CDH11: variants seen among roughly 807,000 people sequenced by gnomAD.
The protein encoded by CDH11 is cadherin-11.
A neutral mutation model predicts 67.8 loss-of-function variants in CDH11; 11 were observed. The ratio of observed to expected loss-of-function variants is 0.16; its 90% confidence interval spans 0.10 to 0.27. CDH11 has a LOEUF of 0.27. Among genes scored for constraint, CDH11 ranks in the 10% least tolerant of loss-of-function variants. The pLI, the probability that CDH11 is intolerant of heterozygous loss-of-function variation, is 1.00. For synonymous variants in CDH11, 419 were observed against 400.0 expected, an observed-to-expected ratio of 1.05 and a Z score of -0.57; for missense variants, 847 against 1,031.2, an observed-to-expected ratio of 0.82 and a Z score of 2.45.
At chr16:65,085,371 A>G (rs2074678888) in intron 1 of CDH11, among the ~76,000 whole-genome samples, 1 of 152,178 alleles carries the variant, frequency 6.6e-6, no homozygotes, top group Non-Finnish European at 1.5e-5. Context: ...AGTCATCTCC[A>G]CAAGCTTGAG....
At chr16:65,019,891 T>C (rs1361043105) in intron 2 of CDH11, among the ~76,000 whole-genome samples, 12 of 151,064 alleles carry the variant, frequency 7.9e-5, no homozygotes, top group African/African-American at 2.9e-4. Flanking sequence ...CCCTCTAAAC[T>C]AGGCCAAAAA....
At chr16:65,080,161 G>A (rs987893385) in intron 1 of CDH11, among the ~76,000 whole-genome samples, 2 of 151,792 alleles carry the variant, frequency 1.3e-5, no homozygotes, top group Non-Finnish European at 2.9e-5. Context: ...AGAAGTCTCT[G>A]GGAGCTCTGC....
chr16:64,966,409 A>G (rs1311104390), intron 11 of CDH11, among the ~76,000 whole-genome samples: 1 of 149,494 alleles, frequency 6.7e-6, no homozygotes, highest in Non-Finnish European at 1.5e-5. Context: ...TAAAAAAAGC[A>G]AGATTTGTAA....
intron 4 of CDH11, among the ~76,000 whole-genome samples, chr16:64,997,625 T>A (rs187902631): frequency 7.1e-4 from 108 of 152,168 alleles, no homozygotes; most frequent in African/African-American, 2.5e-3. Flanking sequence ...GCAGGGAAAA[T>A]GGAAGAGACA....
intron 2 of CDH11, among the ~76,000 whole-genome samples, chr16:65,037,518 A>G (rs2073776226): frequency 6.6e-6 from 1 of 152,166 alleles, no homozygotes; most frequent in East Asian, 1.9e-4. Context: ...CATTGGTTTA[A>G]GTGCATTAGA....
upstream of CDH11, chr16:65,122,219 C>G (rs924512964): frequency 1.4e-5 from 7 of 514,066 alleles, no homozygotes; most frequent in South Asian, 1.3e-4. Flanking sequence ...CGAGAGGCAG[C>G]GAGATGGGCC....
intron 3 of CDH11, among the ~76,000 whole-genome samples, chr16:65,003,074 A>T (rs1233570001): frequency 7.0e-6 from 1 of 143,152 alleles, no homozygotes; most frequent in Non-Finnish European, 1.5e-5. Context: ...GTATCTAAGG[A>T]TCTATCTTTG....
intron 2 of CDH11, among the ~76,000 whole-genome samples, chr16:65,041,278 G>A (rs1226004538): frequency 6.6e-6 from 1 of 152,106 alleles, no homozygotes; most frequent in African/African-American, 2.4e-5. Flanking sequence ...TGCACACATG[G>A]GTACCAACTG....
chr16:64,996,774 C>T (rs867106521), intron 4 of CDH11, among the ~76,000 whole-genome samples: 1 of 152,142 alleles, frequency 6.6e-6, no homozygotes, highest in African/African-American at 2.4e-5. Flanking sequence ...TTATCCTGAG[C>T]AAATTGACAC....
chr16:65,062,203 G>T (rs1352456729), intron 1 of CDH11, among the ~76,000 whole-genome samples: 1 of 152,186 alleles, frequency 6.6e-6, no homozygotes, highest in Non-Finnish European at 1.5e-5. Context: ...ACCCATGCAT[G>T]TAATAAAGAA....
chr16:65,117,878 T>C (rs2075268403), intron 1 of CDH11, among the ~76,000 whole-genome samples: 1 of 152,202 alleles, frequency 6.6e-6, no homozygotes, highest in Non-Finnish European at 1.5e-5. Context: ...TTGTTTATCC[T>C]GCAGCCCAGC....
intron 1 of CDH11, among the ~76,000 whole-genome samples, chr16:65,090,574 T>C (rs1344471858): frequency 6.6e-6 from 1 of 152,226 alleles, no homozygotes; most frequent in Non-Finnish European, 1.5e-5. Flanking sequence ...ATAATTATAC[T>C]GCGGTCCTTT....
intron 2 of CDH11, among the ~76,000 whole-genome samples, chr16:65,049,185 A>G (rs1373989614): frequency 6.6e-6 from 1 of 152,174 alleles, no homozygotes; most frequent in Non-Finnish European, 1.5e-5. Flanking sequence ...TACCCCCTGA[A>G]TCTATTATTA....
intron 1 of CDH11, among the ~76,000 whole-genome samples, chr16:65,091,554 CTT>C (rs571736697): frequency 7.3e-5 from 10 of 136,242 alleles, no homozygotes; most frequent in Admixed American, 2.2e-4. Context: ...TAGGCCTTTC[CTT>C]TTTTTTTTTT....
chr16:65,033,965 G>A (rs549046830), intron 2 of CDH11, among the ~76,000 whole-genome samples: 2 of 152,228 alleles, frequency 1.3e-5, no homozygotes, highest in South Asian at 4.1e-4. Flanking sequence ...TCAAGGAAAT[G>A]GGTAAATCCT....
At chr16:65,114,823 C>T (rs910580196) in intron 1 of CDH11, among the ~76,000 whole-genome samples, 7 of 151,988 alleles carry the variant, frequency 4.6e-5, no homozygotes, top group Non-Finnish European at 7.4e-5. Flanking sequence ...GTGAGGACTC[C>T]GTTATTTTTA....
At chr16:64,985,618 T>C (rs2072467333) in intron 7 of CDH11, 1 of 151,788 alleles carries the variant, frequency 6.6e-6, no homozygotes, top group Non-Finnish European at 1.5e-5. Flanking sequence ...TATCACACTA[T>C]TGCAGTCAAT....
intron 1 of CDH11, chr16:65,094,605 C>G (rs1398985979): frequency 6.6e-6 from 1 of 152,106 alleles, no homozygotes; most frequent in Admixed American, 6.6e-5. Flanking sequence ...TTTATAAAAT[C>G]CTGTCTTAGT....
At chr16:64,962,319 T>A (rs926886986) in intron 11 of CDH11, among the ~76,000 whole-genome samples, 13 of 151,934 alleles carry the variant, frequency 8.6e-5, no homozygotes, top group Non-Finnish European at 1.6e-4. Context: ...ACAAACAAAC[T>A]AGAATATTAA....
Sources: gnomAD v4.1 joint callset for allele counts (sites outside exome capture counted in the v4.1 genomes callset) on GRCh38, gnomAD v4.1.1 for gene constraint, MANE v1.5 for transcripts, NCBI Gene and HGNC (gene_info 2026-07-23, HGNC 2026-07-21) for gene names.